Variants in ATP1B2 observed in about 807,000 individuals in gnomAD.
The protein encoded by ATP1B2 is ATPase Na+/K+ transporting subunit beta 2, also known as sodium/potassium-transporting ATPase subunit beta-2.
Under a neutral mutation model 37.3 loss-of-function variants are expected in ATP1B2, and 12 were observed. That is an observed-to-expected ratio of 0.32 (90% CI 0.21 to 0.52). The LOEUF (loss-of-function observed/expected upper bound fraction) is 0.52, where lower values mean the gene tolerates loss of function less well. Ranked by LOEUF, ATP1B2 falls within the 20% of genes least tolerant of loss-of-function variation. ATP1B2 has a pLI of 0.96. For synonymous variants in ATP1B2, 139 were observed against 140.5 expected (o/e 0.99, Z 0.07); for missense variants, 324 against 391.6 (o/e 0.83, Z 1.46).
chr17:7,647,636 T>C (rs1350830208), upstream of ATP1B2, among the ~76,000 whole-genome samples: 1 of 151,832 alleles, frequency 6.6e-6, no homozygotes, highest in Non-Finnish European at 1.5e-5. Context: ...CTGACCAACA[T>C]GGTGAAATCC....
At position 7,656,742 on chromosome 17, in the gene ATP1B2, C is replaced by T. The variant is rs1345648923; in HGVS notation, c.*847C>T. 3.3e-5 allele frequency: 5 copies of T among 152,260 alleles called. No homozygotes were observed. The highest frequency in any genetic ancestry group is 1.9e-4 in the East Asian group (1 of 5,182). 9.4% of individuals were successfully genotyped at this position (152,260 alleles called of 1,614,324 possible). On this transcript the variant is annotated 3_prime_UTR_variant, in exon 7 of 7. Transcript: ENST00000250111. ...TGCAATCTCAGCTCACTGCAACTTC[C>T]GCATCCCAGGTTCAAGCGATTCTCC...
At chr17:7,653,320 T>C (rs1294953544) in intron 1 of ATP1B2, 54 bp from the exon 2 acceptor site, 5 of 1,610,846 alleles carry the variant, frequency 3.1e-6, no homozygotes, top group African/African-American at 2.7e-5. Context: ...GTGGGGATAG[T>C]TGAGGTTATG....
At chr17:7,649,172 C>T (rs1456151529), upstream of ATP1B2, among the ~76,000 whole-genome samples, 2 of 152,184 alleles carry the variant, frequency 1.3e-5, no homozygotes, top group Non-Finnish European at 2.9e-5. Flanking sequence ...CTTGCCTCAG[C>T]CTCCTGAGTA....
In ATP1B2 at chr17:7,655,590, C is replaced by T. The variant is rs1377260559; in HGVS notation, c.673C>T (p.Leu225Phe). ...VMFPANGNID[L>F]MYFPYYGKKF... is the part of the protein sequence containing the mutation. ...GTTCCCCGCCAACGGCAACATCGAC[C>T]TCATGTACTTCCCCTACTATGGCAA... The change falls in exon 6 of 7, where the codon CTC (leucine) becomes TTC (phenylalanine). Residue 225 changes from leucine to phenylalanine, a missense_variant. Transcript: ENST00000250111. The surrounding 1 kb of genome is among the most constrained non-coding windows in gnomAD (Gnocchi z 4.4). 2 of 1,614,170 alleles carry T rather than the reference C, an allele frequency of 1.2e-6. No individual in the cohort carries two copies. Among genetic ancestry groups the T allele is most frequent in the African/African-American group, 1.3e-5 (1 of 75,038 alleles).
intron 2 of ATP1B2, 55 bp from the exon 3 acceptor site, chr17:7,653,786 G>A: frequency 1.3e-6 from 2 of 1,544,982 alleles, no homozygotes; most frequent in East Asian, 2.2e-5. Context: ...TCTTCCCTCT[G>A]TGTGCAGTCC....
In ATP1B2 at chr17:7,655,469, C is replaced by T; in HGVS notation, c.610-58C>T. On this transcript the variant is annotated intron_variant, in intron 5 of 6. Transcript: ENST00000250111. The surrounding 1 kb of genome is among the most constrained non-coding windows in gnomAD (Gnocchi z 4.4). Reference sequence around the variant, plus strand: ...AAAGAACAAATGGAAGTCTGGTGAGCTCCTGGGTGCCTGCCATCCCTAACT... The same window carrying T: ...AAAGAACAAATGGAAGTCTGGTGAGTTCCTGGGTGCCTGCCATCCCTAACT... 6.5e-7 allele frequency: 1 copy of T among 1,529,670 alleles called. No individual in the cohort carries two copies. The highest frequency in any genetic ancestry group is 9.1e-7 in the Non-Finnish European group (1 of 1,104,856). The allele number at this position is 1,529,670 out of a possible 1,614,324, so 94.8% of individuals were successfully genotyped here.
chr17:7,648,785 C>T (rs1052851001), upstream of ATP1B2, among the ~76,000 whole-genome samples: 8 of 152,020 alleles, frequency 5.3e-5, no homozygotes, highest in African/African-American at 1.9e-4. Flanking sequence ...GCTGAAAGTT[C>T]TTCAGTGGCT....
chr17:7,655,404 G>A lies in ATP1B2; in HGVS notation c.610-123G>A. 1 of 889,940 alleles carries A rather than the reference G, an allele frequency of 1.1e-6. No individual in the cohort carries two copies. The allele number at this position is 889,940 out of a possible 1,614,324, so 55.1% of individuals were successfully genotyped here. On this transcript the variant is annotated intron_variant, in intron 5 of 6. Transcript: ENST00000250111. This position sits in a 1 kb window ranked among gnomAD's most constrained non-coding sequence, Gnocchi z 4.4. Reference sequence around the variant, plus strand: ...CACACAGACTCACAGCTCCAGGGAGGCAGACTTGAGACAGGAATAATTGGG... The same window carrying A: ...CACACAGACTCACAGCTCCAGGGAGACAGACTTGAGACAGGAATAATTGGG...
Position 7,651,641 on chromosome 17 carries a change from C to T in ATP1B2, c.112+11C>T. 3 of 1,583,826 alleles carry T rather than the reference C, an allele frequency of 1.9e-6. No individual in the cohort carries two copies. Among genetic ancestry groups the T allele is most frequent in the Non-Finnish European group, 2.6e-6 (3 of 1,166,336 alleles). ...CCGGGACCAGCTGGGGTACGCAGGG[C>T]CGGCACGCAAGGGGCGGGGGAAAGC... On this transcript the variant is annotated intron_variant, in intron 1 of 6. Coordinates refer to ENST00000250111, the MANE Select transcript of ATP1B2 (RefSeq NM_001678.5).
At chr17:7,651,665 G>A (rs1408736402) in intron 1 of ATP1B2, 35 bp downstream of exon 1, 19 of 1,541,678 alleles carry the variant, frequency 1.2e-5, no homozygotes, top group Non-Finnish European at 1.7e-5. Context: ...GCGGGGGAAA[G>A]CCGCGGGGCG....
rs2072662529 is a variant in ATP1B2, at chr17:7,657,399, AAAAC to A, written c.*1508_*1511del. On this transcript the variant is annotated 3_prime_UTR_variant, in exon 7 of 7. Transcript: ENST00000250111. The stretch of plus-strand genomic sequence containing the variant: ...TGCCTTTAAAAAAAAAACAAAAACA[AAAAC>A]AAAAAAACCCATAATGCCCACAGAA... The A allele has an allele frequency of 6.6e-6, 1 of 152,178 alleles. No homozygotes were observed. The highest frequency in any genetic ancestry group is 1.5e-5 in the Non-Finnish European group (1 of 68,104). 9.4% of individuals were successfully genotyped at this position (152,178 alleles called of 1,614,324 possible).
At chr17:7,650,560 C>G (rs1008217300), upstream of ATP1B2, among the ~76,000 whole-genome samples, 4 of 152,202 alleles carry the variant, frequency 2.6e-5, no homozygotes, top group Non-Finnish European at 5.9e-5. Flanking sequence ...CTCCCGGACT[C>G]TTCCGCCGCA....
chr17:7,654,297 A>G lies in ATP1B2; in HGVS notation c.552+40A>G, dbSNP rs777540555. 3.8e-6 allele frequency: 6 copies of G among 1,599,692 alleles called. No individual in the cohort carries two copies. The Admixed American group carries it at 1.0e-4, about 27-fold the overall frequency. On this transcript the variant is annotated intron_variant, in intron 4 of 6. Coordinates refer to ENST00000250111, the MANE Select transcript of ATP1B2 (RefSeq NM_001678.5). This position sits in a 1 kb window ranked among gnomAD's most constrained non-coding sequence, Gnocchi z 4.9. The stretch of plus-strand genomic sequence containing the variant: ...GGTCCCCAGGGTGAATGGAGGAAGG[A>G]TCTGGGGACACCACCTGCAGACAAT...
rs1396183852 is a variant in ATP1B2, at chr17:7,656,787, G to A, written c.*892G>A. The A allele has an allele frequency of 6.6e-6, 1 of 151,760 alleles. No individual in the cohort carries two copies. The highest frequency in any genetic ancestry group is 1.5e-5 in the Non-Finnish European group (1 of 68,028). The allele number at this position is 151,760 out of a possible 1,614,324, so 9.4% of individuals were successfully genotyped here. A position where few individuals can be genotyped will look rare whatever the true frequency, so the allele number is the denominator to read the frequency against. On this transcript the variant is annotated 3_prime_UTR_variant, in exon 7 of 7. Coordinates refer to ENST00000250111, the MANE Select transcript of ATP1B2 (RefSeq NM_001678.5). ...TTCTCCCGCCTCAGGTTCCCGAGTAGCTGGGACTACAGGCATGTGCCACCA... is the reference window on the plus strand; with the variant it reads ...TTCTCCCGCCTCAGGTTCCCGAGTAACTGGGACTACAGGCATGTGCCACCA...
chr17:7,654,143 C>G lies in ATP1B2; in HGVS notation c.438C>G (p.Pro146=), dbSNP rs762635037. The G allele has an allele frequency of 1.9e-6, 3 of 1,614,200 alleles. No individual in the cohort carries two copies. Among genetic ancestry groups the G allele is most frequent in the Non-Finnish European group, 1.7e-6 (2 of 1,180,040 alleles). The change falls in exon 4 of 7, where the codon CCC becomes CCG. Residue 146 remains proline, a synonymous_variant. Coordinates refer to ENST00000250111, the MANE Select transcript of ATP1B2 (RefSeq NM_001678.5). This position sits in a 1 kb window ranked among gnomAD's most constrained non-coding sequence, Gnocchi z 4.9. ...CAGATAATGGAGTCCTCAACTACCC[C>G]AAACGTGCCTGCCAATTCAACCGGA... The part of the protein sequence containing the change: ...EQPDNGVLNY[P]KRACQFNRTQ...
In ATP1B2 at chr17:7,655,710, T is replaced by C. The variant is rs1294865623; in HGVS notation, c.709-21T>C. On this transcript the variant is annotated intron_variant, in intron 6 of 6. Coordinates refer to ENST00000250111, the MANE Select transcript of ATP1B2 (RefSeq NM_001678.5). The surrounding 1 kb of genome is among the most constrained non-coding windows in gnomAD (Gnocchi z 4.4). ...GCCGCGTTGCCCCAGGCCTAGACCC[T>C]GCACTGCTCCTCCGGCCCAGGTGAA... 1.2e-6 allele frequency: 2 copies of C among 1,613,882 alleles called. No homozygotes were observed. The highest frequency in any genetic ancestry group is 1.7e-6 in the Non-Finnish European group (2 of 1,179,944).
intron 1 of ATP1B2, among the ~76,000 whole-genome samples, chr17:7,652,705 G>C (rs897090540): frequency 6.6e-6 from 1 of 152,088 alleles, no homozygotes; most frequent in Non-Finnish European, 1.5e-5. Flanking sequence ...TACTTCAGGC[G>C]GGGGAGCCAT....
upstream of ATP1B2, chr17:7,646,797 C>G (rs2072578291): frequency 6.6e-6 from 1 of 152,172 alleles, no homozygotes; most frequent in Non-Finnish European, 1.5e-5. Context: ...TGCAAGGAAC[C>G]TCAACAACAA....
chr17:7,652,373 G>C (rs2072620159), intron 1 of ATP1B2, among the ~76,000 whole-genome samples: 1 of 152,054 alleles, frequency 6.6e-6, no homozygotes, highest in African/African-American at 2.4e-5. Flanking sequence ...TCTGGTGACC[G>C]GCACAGGTGC....
Sources: gnomAD v4.1 joint callset for allele counts (sites outside exome capture counted in the v4.1 genomes callset) on GRCh38, gnomAD v4.1.1 for gene constraint, Gnocchi (gnomAD v3.1) non-coding constraint, MANE v1.5 for transcripts, NCBI Gene and HGNC (gene_info 2026-07-23, HGNC 2026-07-21) for gene names.